RAPGEF4: variants seen among roughly 807,000 people sequenced by gnomAD.
RAPGEF4 encodes Rap guanine nucleotide exchange factor 4.
A neutral mutation model predicts 147.9 loss-of-function variants in RAPGEF4; 66 were observed. That is an observed-to-expected ratio of 0.45 (90% CI 0.37 to 0.55). The LOEUF (loss-of-function observed/expected upper bound fraction) is 0.55, where lower values mean the gene tolerates loss of function less well. RAPGEF4 is among the 20% of genes least tolerant of loss of function. The pLI, the probability that RAPGEF4 is intolerant of heterozygous loss-of-function variation, is 0.00. For synonymous variants in RAPGEF4, 419 were observed against 442.7 expected (o/e 0.95, Z 0.67); for missense variants, 1,071 against 1,257.3 (o/e 0.85, Z 2.24).
chr2:172,837,208 T>C (rs1249453345), intron 4 of RAPGEF4, among the ~76,000 whole-genome samples: 1 of 152,222 alleles, frequency 6.6e-6, no homozygotes, highest in Non-Finnish European at 1.5e-5. Context: ...GCTATATGAC[T>C]AATGCTTGCT....
intron 4 of RAPGEF4, among the ~76,000 whole-genome samples, chr2:172,818,792 C>A (rs1688763786): frequency 6.6e-6 from 1 of 152,186 alleles, no homozygotes; most frequent in Non-Finnish European, 1.5e-5. Context: ...AATGGTAGCA[C>A]AAAGCTAGGG....
chr2:173,049,848 A>T (rs1434779252), intron 30 of RAPGEF4, among the ~76,000 whole-genome samples: 5 of 152,192 alleles, frequency 3.3e-5, no homozygotes, highest in African/African-American at 1.2e-4. Flanking sequence ...TAAAGATGTG[A>T]TCATAAAGCA....
intron 10 of RAPGEF4, among the ~76,000 whole-genome samples, chr2:172,975,669 T>C (rs1690987095): frequency 6.6e-6 from 1 of 152,252 alleles, no homozygotes; most frequent in Non-Finnish European, 1.5e-5. Context: ...CCCTGATTAA[T>C]TAAGAATTGA....
chr2:173,018,380 C>T (rs1319160602), intron 21 of RAPGEF4, among the ~76,000 whole-genome samples: 3 of 152,208 alleles, frequency 2.0e-5, no homozygotes, highest in African/African-American at 2.4e-5. Context: ...TGAAGATACT[C>T]TCAATTTTTT....
chr2:172,960,590 C>A (rs1307246406), intron 6 of RAPGEF4, among the ~76,000 whole-genome samples, 170 bp from the exon 7 acceptor site: 9 of 152,042 alleles, frequency 5.9e-5, no homozygotes, highest in Non-Finnish European at 1.5e-5. Context: ...TAATTTTGCC[C>A]TTTGAATGCC....
At chr2:173,017,228 T>G in intron 20 of RAPGEF4, 24 bp downstream of exon 20, 1 of 1,605,088 alleles carries the variant, frequency 6.2e-7, no homozygotes, top group South Asian at 1.1e-5. Flanking sequence ...ACTTGCATTC[T>G]CTGTCTGTGT....
chr2:172,870,381 T>C lies in RAPGEF4; in HGVS notation c.445-47421T>C, dbSNP rs148778026. ...CAGTTCTGAGAAGCTATCCATCATG[T>C]CTTTTTTGAATAAGGACCCAACTAA... On this transcript the variant is annotated intron_variant, in intron 4 of 30. Coordinates refer to ENST00000397081, the MANE Select transcript of RAPGEF4 (RefSeq NM_007023.4). 6.1e-3 allele frequency among the ~76,000 whole-genome samples: 935 copies of C among 152,304 alleles called. 8 individuals are homozygous for C. The highest frequency in any genetic ancestry group is 0.021 in the African/African-American group (872 of 41,566).
chr2:172,998,695 G>A (rs1004367205), intron 16 of RAPGEF4, among the ~76,000 whole-genome samples: 20 of 152,178 alleles, frequency 1.3e-4, no homozygotes, highest in Admixed American at 1.3e-3. Context: ...GGTTATGTGA[G>A]GATAGCTACC....
intron 1 of RAPGEF4, among the ~76,000 whole-genome samples, chr2:172,785,390 T>A (rs567858806): frequency 6.6e-6 from 1 of 152,308 alleles, no homozygotes; most frequent in African/African-American, 2.4e-5. Flanking sequence ...TTAAAAAATG[T>A]CTTGGTGGCT....
chr2:173,019,536 T>C (rs1336943701), intron 22 of RAPGEF4, among the ~76,000 whole-genome samples: 5 of 152,190 alleles, frequency 3.3e-5, no homozygotes, highest in Admixed American at 2.6e-4. Flanking sequence ...GAAGCAACAG[T>C]GAGGTTCATT....
chr2:172,755,534 C>T (rs929747531), intron 1 of RAPGEF4, among the ~76,000 whole-genome samples: 2 of 152,100 alleles, frequency 1.3e-5, no homozygotes, highest in African/African-American at 4.8e-5. Context: ...GCTGGGATTA[C>T]ATGTGTGCAC....
At chr2:172,977,949 A>G (rs1490369292) in intron 10 of RAPGEF4, among the ~76,000 whole-genome samples, 1 of 152,124 alleles carries the variant, frequency 6.6e-6, no homozygotes, top group Non-Finnish European at 1.5e-5. Context: ...CTCAGACCAC[A>G]GGGTTGGGGT....
intron 10 of RAPGEF4, among the ~76,000 whole-genome samples, chr2:172,978,722 C>T (rs1188676483): frequency 5.9e-5 from 9 of 152,206 alleles, no homozygotes; most frequent in Non-Finnish European, 1.0e-4. Flanking sequence ...GGTTGAGCTG[C>T]GGCTGCTTCC....
At chr2:172,784,180 CT>C (rs1353267023) in intron 1 of RAPGEF4, among the ~76,000 whole-genome samples, 1 of 152,112 alleles carries the variant, frequency 6.6e-6, no homozygotes, top group African/African-American at 2.4e-5. Context: ...CACCCGAGTA[CT>C]TTATTCGCCT....
Position 173,033,906 on chromosome 2 carries a change from A to G in RAPGEF4, c.2650-8A>G, listed in dbSNP as rs753271530. The G allele has an allele frequency of 1.2e-6, 2 of 1,611,890 alleles. No homozygotes were observed. Among genetic ancestry groups the G allele is most frequent in the Non-Finnish European group, 8.5e-7 (1 of 1,179,352 alleles). On this transcript the variant is annotated splice_polypyrimidine_tract_variant and splice_region_variant and intron_variant, in intron 26 of 30. Coordinates refer to ENST00000397081, the MANE Select transcript of RAPGEF4 (RefSeq NM_007023.4). ...CATATGCGTGTGGCATTTTCATTTC[A>G]TTAACAGAAACTGCCAAGCAAGTTC...
chr2:172,766,325 G>T lies in RAPGEF4; in HGVS notation c.66-28700G>T, dbSNP rs1696836848. Among the ~76,000 whole-genome samples the T allele has an allele frequency of 3.3e-5, 5 of 152,096 alleles. No individual in the cohort carries two copies. In the South Asian group the frequency reaches 8.3e-4, roughly 25 times the overall value. On this transcript the variant is annotated intron_variant, in intron 1 of 30. Coordinates refer to ENST00000397081, the MANE Select transcript of RAPGEF4 (RefSeq NM_007023.4). ...CTGGCATTTTGGGAGGCCAAGACGG[G>T]CACATCCCTTGAGGCCGGGAGTTCG...
At chr2:172,857,172 GCGCA>G (rs1263382769) in intron 4 of RAPGEF4, among the ~76,000 whole-genome samples, 3 of 121,738 alleles carry the variant, frequency 2.5e-5, no homozygotes, top group East Asian at 2.0e-4. Context: ...GCGTGTGCGC[GCGCA>G]CACACACACA....
Position 172,891,794 on chromosome 2 carries a change from G to T in RAPGEF4, c.445-26008G>T, listed in dbSNP as rs776204275. Among the ~76,000 whole-genome samples the T allele has an allele frequency of 6.4e-4, 98 of 152,200 alleles. 1 individual carries two copies. Among genetic ancestry groups the T allele is most frequent in the Non-Finnish European group, 1.8e-4 (12 of 68,028 alleles). Reference sequence around the variant, plus strand: ...AATTCTGATGACATAAATACAAGAAGCTTTCAAGTATAAATACAAATATAC... The same window carrying T: ...AATTCTGATGACATAAATACAAGAATCTTTCAAGTATAAATACAAATATAC... On this transcript the variant is annotated intron_variant, in intron 4 of 30. Transcript: ENST00000397081.
chr2:172,766,607 A>G (rs977546882), intron 1 of RAPGEF4, among the ~76,000 whole-genome samples: 1 of 152,040 alleles, frequency 6.6e-6, no homozygotes, highest in African/African-American at 2.4e-5. Context: ...CATCACCACA[A>G]TCGAGATAGC....
Sources: gnomAD v4.1 joint callset for allele counts (sites outside exome capture counted in the v4.1 genomes callset) on GRCh38, gnomAD v4.1.1 for gene constraint, MANE v1.5 for transcripts, NCBI Gene and HGNC (gene_info 2026-07-23, HGNC 2026-07-21) for gene names.